GRIA4: variants seen among roughly 807,000 people sequenced by gnomAD.
GRIA4 encodes the protein glutamate receptor 4.
Under a neutral mutation model 104.0 loss-of-function variants are expected in GRIA4, and 34 were observed. The ratio of observed to expected loss-of-function variants is 0.33; its 90% CI spans 0.25 to 0.44. The LOEUF (loss-of-function observed/expected upper bound fraction) is 0.44, where lower values mean the gene tolerates loss of function less well. Ranked by LOEUF, GRIA4 falls within the 20% of genes least tolerant of loss-of-function variation. The pLI is 1.00. For missense variants in GRIA4, 750 were observed against 1,096.5 expected, an observed-to-expected ratio of 0.68 and a Z score of 4.46; for synonymous variants, 386 against 381.9, an observed-to-expected ratio of 1.01 and a Z score of -0.13.
At chr11:105,793,197 G>A (rs1444766565) in intron 4 of GRIA4, among the ~76,000 whole-genome samples, 1 of 152,072 alleles carries the variant, frequency 6.6e-6, no homozygotes, top group Non-Finnish European at 1.5e-5. Context: ...ACTCTCTGGG[G>A]GCCCTAGATT....
At chr11:105,677,601 T>C (rs1246530429) in intron 3 of GRIA4, among the ~76,000 whole-genome samples, 1 of 151,928 alleles carries the variant, frequency 6.6e-6, no homozygotes, top group Non-Finnish European at 1.5e-5. Flanking sequence ...TTGCTAGATA[T>C]TGCAACTATA....
chr11:105,716,650 A>T (rs141365030), intron 3 of GRIA4, among the ~76,000 whole-genome samples: 1 of 152,160 alleles, frequency 6.6e-6, no homozygotes. Context: ...CAACGTATCA[A>T]TGCAAGCAAT....
chr11:105,913,549 C>T (rs1947317214), intron 10 of GRIA4: 1 of 818,152 alleles, frequency 1.2e-6, no homozygotes, highest in Non-Finnish European at 1.5e-6. Flanking sequence ...ATCATTTCTG[C>T]AAATAACCCA....
chr11:105,969,096 T>G (rs564414049), intron 14 of GRIA4, among the ~76,000 whole-genome samples: 26 of 152,352 alleles, frequency 1.7e-4, no homozygotes, highest in Non-Finnish European at 3.1e-4. Flanking sequence ...TACCAAATAA[T>G]GCTTTCTCTA....
intron 3 of GRIA4, among the ~76,000 whole-genome samples, chr11:105,732,674 T>C (rs1938674941): frequency 6.6e-6 from 1 of 152,098 alleles, no homozygotes; most frequent in Non-Finnish European, 1.5e-5. Context: ...TTTTACACGA[T>C]CCAATGCCAG....
intron 4 of GRIA4, among the ~76,000 whole-genome samples, chr11:105,817,078 A>T (rs1316749041): frequency 6.6e-6 from 1 of 151,982 alleles, no homozygotes; most frequent in Non-Finnish European, 1.5e-5. Context: ...TGGGGTTTGA[A>T]TCCCAGCCTC....
chr11:105,651,819 C>A (rs1358154730), intron 3 of GRIA4, among the ~76,000 whole-genome samples: 2 of 151,878 alleles, frequency 1.3e-5, no homozygotes, highest in Non-Finnish European at 2.9e-5. Context: ...TGCTTCAATG[C>A]CAAAAGAATG....
chr11:105,800,139 G>A (rs1942658772), intron 4 of GRIA4, among the ~76,000 whole-genome samples: 1 of 152,070 alleles, frequency 6.6e-6, no homozygotes, highest in South Asian at 2.1e-4. Context: ...GGGATCAAAG[G>A]ATTCTTAGAG....
intron 3 of GRIA4, among the ~76,000 whole-genome samples, chr11:105,688,985 G>T (rs1301156921): frequency 1.3e-5 from 2 of 152,032 alleles, no homozygotes; most frequent in Non-Finnish European, 2.9e-5. Flanking sequence ...ATGAACTGGG[G>T]GAAAATACTC....
At chr11:105,674,341 G>A (rs529364937) in intron 3 of GRIA4, among the ~76,000 whole-genome samples, 1 of 151,856 alleles carries the variant, frequency 6.6e-6, no homozygotes, top group South Asian at 2.1e-4. Flanking sequence ...GAGAGTTGCA[G>A]GGGAGGGGTG....
intron 3 of GRIA4, among the ~76,000 whole-genome samples, chr11:105,686,009 G>T (rs1952869621): frequency 6.6e-6 from 1 of 152,128 alleles, no homozygotes; most frequent in Admixed American, 6.6e-5. Context: ...AAATGAAATT[G>T]AAGCTACTAT....
At chr11:105,826,534 G>T (rs147643729) in intron 4 of GRIA4, among the ~76,000 whole-genome samples, 10 of 152,190 alleles carry the variant, frequency 6.6e-5, no homozygotes, top group Non-Finnish European at 1.5e-4. Flanking sequence ...ATCCAGGTTT[G>T]TCATGATAGA....
intron 14 of GRIA4, among the ~76,000 whole-genome samples, chr11:105,961,537 A>C (rs1948744916): frequency 6.6e-6 from 1 of 152,240 alleles, no homozygotes; most frequent in African/African-American, 2.4e-5. Flanking sequence ...TCCAGTGAAG[A>C]GGTCACAGGC....
chr11:105,917,815 G>GGTGTGTGTGTGTGTGT (rs147308478), intron 10 of GRIA4, among the ~76,000 whole-genome samples: 3 of 142,780 alleles, frequency 2.1e-5, no homozygotes, highest in East Asian at 2.1e-4. Flanking sequence ...TTGGTTTAAG[G>GGTGTGTGTGTGTGTGT]GTGTGTGTGT....
chr11:105,854,142 T>C (rs1418915294), intron 4 of GRIA4, among the ~76,000 whole-genome samples: 2 of 152,096 alleles, frequency 1.3e-5, no homozygotes, highest in Admixed American at 6.6e-5. Flanking sequence ...CCTTTTAGTA[T>C]GGGAAAGAGA....
chr11:105,725,184 C>T (rs1032498297), intron 3 of GRIA4, among the ~76,000 whole-genome samples: 1 of 152,102 alleles, frequency 6.6e-6, no homozygotes, highest in African/African-American at 2.4e-5. Flanking sequence ...ACAGTTTAAG[C>T]ATGCAATATT....
At chr11:105,650,882 GA>G (rs1310978951) in intron 3 of GRIA4, among the ~76,000 whole-genome samples, 5 of 152,230 alleles carry the variant, frequency 3.3e-5, no homozygotes, top group Admixed American at 2.0e-4. Context: ...TGAATAATAA[GA>G]AAATTATCTC....
At chr11:105,728,176 G>A (rs535828936) in intron 3 of GRIA4, among the ~76,000 whole-genome samples, 2 of 152,288 alleles carry the variant, frequency 1.3e-5, no homozygotes, top group South Asian at 4.1e-4. Context: ...AGGGATGCAG[G>A]AATATGTACC....
intron 4 of GRIA4, among the ~76,000 whole-genome samples, chr11:105,861,286 C>G (rs976530189): frequency 6.6e-6 from 1 of 152,100 alleles, no homozygotes; most frequent in Non-Finnish European, 1.5e-5. Flanking sequence ...TTCCTTGTTC[C>G]ATCCAGACAG....
Sources: allele counts gnomAD v4.1 joint callset (sites outside exome capture counted in the v4.1 genomes callset), GRCh38; gene constraint gnomAD v4.1.1; transcripts MANE v1.5; gene names NCBI Gene and HGNC (gene_info 2026-07-23, HGNC 2026-07-21).